Variants in FBXL7 observed in about 807,000 individuals in gnomAD.
FBXL7 encodes F-box and leucine rich repeat protein 7.
Under a neutral mutation model 38.3 loss-of-function variants are expected in FBXL7, and 12 were observed. The observed-to-expected ratio is 0.31, with a 90% CI of 0.20 to 0.51. The LOEUF (loss-of-function observed/expected upper bound fraction) is 0.51, where lower values mean the gene tolerates loss of function less well. Among genes scored for constraint, FBXL7 ranks in the 20% least tolerant of loss-of-function variants. The pLI, the probability that FBXL7 is intolerant of heterozygous loss-of-function variation, is 0.98. For synonymous variants in FBXL7, 297 were observed against 300.9 expected, an observed-to-expected ratio of 0.99 and a Z score of 0.13; for missense variants, 567 against 676.4, an observed-to-expected ratio of 0.84 and a Z score of 1.79.
intron 1 of FBXL7, among the ~76,000 whole-genome samples, chr5:15,597,614 T>C (rs540646616): frequency 2.0e-4 from 31 of 152,022 alleles, no homozygotes; most frequent in Non-Finnish European, 2.6e-4. Context: ...GAAGAAGGCC[T>C]AGAGCAGAGA....
intron 2 of FBXL7, among the ~76,000 whole-genome samples, chr5:15,892,528 A>G (rs1229064298): frequency 1.3e-5 from 2 of 152,186 alleles, no homozygotes; most frequent in African/African-American, 4.8e-5. Flanking sequence ...TGGTAGCAGC[A>G]GAGGTTATGA....
chr5:15,685,600 C>T (rs1466608466), intron 2 of FBXL7, among the ~76,000 whole-genome samples: 1 of 152,176 alleles, frequency 6.6e-6, no homozygotes, highest in Non-Finnish European at 1.5e-5. Context: ...TGATGGGAGG[C>T]TGCAGAGAAA....
intron 2 of FBXL7, among the ~76,000 whole-genome samples, chr5:15,906,785 C>T (rs1367232071): frequency 4.2e-4 from 22 of 52,536 alleles, no homozygotes; most frequent in African/African-American, 1.2e-3. Context: ...TTTGTTCTTG[C>T]GATAGTTTAC....
Position 15,580,687 on chromosome 5 carries a change from G to A in FBXL7, c.38-35296G>A, listed in dbSNP as rs1006790342. The A allele has an allele frequency of 1.8e-4, 178 of 985,426 alleles. No individual in the cohort carries two copies. In the African/African-American group the frequency reaches 3.0e-3, roughly 17 times the overall value. The allele number at this position is 985,426 out of a possible 1,614,324, so 61.0% of individuals were successfully genotyped here. A position where few individuals can be genotyped will look rare whatever the true frequency, so the allele number is the denominator to read the frequency against. On this transcript the variant is annotated intron_variant, in intron 1 of 3. Transcript: ENST00000504595. ...CATGAAAATTAACCTCTGGGTCCGG[G>A]AGTGCTGAAGGTGCCAGAACAGGAA...
intron 1 of FBXL7, among the ~76,000 whole-genome samples, chr5:15,536,503 A>C (rs1274772197): frequency 6.6e-6 from 1 of 152,152 alleles, no homozygotes; most frequent in Non-Finnish European, 1.5e-5. Flanking sequence ...TGAGACATGG[A>C]GTCAAAGGAG....
chr5:15,743,560 G>A (rs1210803112), intron 2 of FBXL7, among the ~76,000 whole-genome samples: 1 of 152,224 alleles, frequency 6.6e-6, no homozygotes, highest in African/African-American at 2.4e-5. Flanking sequence ...TTCACAGCTG[G>A]CATTGAGTGT....
chr5:15,799,874 G>A (rs1737515830), intron 2 of FBXL7, among the ~76,000 whole-genome samples: 2 of 152,018 alleles, frequency 1.3e-5, no homozygotes, highest in Non-Finnish European at 2.9e-5. Flanking sequence ...AGGTCACAGT[G>A]TTTCTTCCCA....
At chr5:15,851,540 T>C (rs994538776) in intron 2 of FBXL7, among the ~76,000 whole-genome samples, 1 of 152,204 alleles carries the variant, frequency 6.6e-6, no homozygotes, top group Non-Finnish European at 1.5e-5. Context: ...AAGGACATGT[T>C]TAGCCTCTTG....
At chr5:15,905,990 A>C (rs1277304604) in intron 2 of FBXL7, among the ~76,000 whole-genome samples, 2 of 152,046 alleles carry the variant, frequency 1.3e-5, no homozygotes, top group Non-Finnish European at 2.9e-5. Context: ...AGTATATAAA[A>C]TATCAACGTA....
chr5:15,590,365 C>T (rs1460532430), intron 1 of FBXL7, among the ~76,000 whole-genome samples: 1 of 152,052 alleles, frequency 6.6e-6, no homozygotes, highest in Non-Finnish European at 1.5e-5. Context: ...CCTCCAGTCC[C>T]TTCTCTAAGC....
chr5:15,828,738 A>C (rs939396469), intron 2 of FBXL7, among the ~76,000 whole-genome samples: 2 of 152,196 alleles, frequency 1.3e-5, no homozygotes, highest in Non-Finnish European at 2.9e-5. Flanking sequence ...TCTCTCCCTG[A>C]CTTGCCGTGT....
intron 2 of FBXL7, among the ~76,000 whole-genome samples, chr5:15,722,125 G>A (rs1222099244): frequency 1.3e-5 from 2 of 152,042 alleles, no homozygotes; most frequent in East Asian, 1.9e-4. Flanking sequence ...GAGCCATCAC[G>A]CCCGGCCAAG....
At chr5:15,765,848 A>G (rs984241467) in intron 2 of FBXL7, among the ~76,000 whole-genome samples, 6 of 151,964 alleles carry the variant, frequency 3.9e-5, no homozygotes, top group Admixed American at 1.3e-4. Flanking sequence ...CCCACCCCCA[A>G]TAGATCTTAT....
At position 15,937,018 on chromosome 5, in the gene FBXL7, G is replaced by C. The variant is rs1369928108; in HGVS notation, c.1308G>C (p.Lys436Asn). 1 of 1,614,030 alleles carries C rather than the reference G, an allele frequency of 6.2e-7. No individual in the cohort carries two copies. Among genetic ancestry groups the C allele is most frequent in the Admixed American group, 1.7e-5 (1 of 60,030 alleles). ...TCAACCTCAAGCGGCTCAGCCTCAA[G>C]TCCTGCGAGAGCATCACCGGCCAGG... is the stretch of plus-strand genomic sequence containing the variant. ...NCFNLKRLSLKSCESITGQGL... is the reference protein window; with the variant it reads ...NCFNLKRLSLNSCESITGQGL... The change falls in exon 4 of 4, where the codon AAG becomes AAC. Residue 436 changes from lysine to asparagine, a missense_variant. Transcript: ENST00000504595.
intron 2 of FBXL7, among the ~76,000 whole-genome samples, chr5:15,798,906 G>T (rs1737485878): frequency 6.6e-6 from 1 of 152,118 alleles, no homozygotes; most frequent in African/African-American, 2.4e-5. Flanking sequence ...TGCAAATGAG[G>T]ATTCTGACTT....
intron 1 of FBXL7, among the ~76,000 whole-genome samples, chr5:15,523,626 T>C (rs1179515699): frequency 6.6e-6 from 1 of 152,130 alleles, no homozygotes; most frequent in Non-Finnish European, 1.5e-5. Flanking sequence ...GGCTCCTCTT[T>C]GTAAGTCATC....
chr5:15,597,913 T>C (rs1739672042), intron 1 of FBXL7, among the ~76,000 whole-genome samples: 1 of 152,226 alleles, frequency 6.6e-6, no homozygotes, highest in Non-Finnish European at 1.5e-5. Flanking sequence ...GATTAGCTCC[T>C]AAGTTGTTAT....
intron 1 of FBXL7, among the ~76,000 whole-genome samples, chr5:15,584,540 A>G (rs1257363538): frequency 6.6e-6 from 1 of 152,178 alleles, no homozygotes; most frequent in African/African-American, 2.4e-5. Flanking sequence ...AGACCACCTC[A>G]GCCTGGACTT....
chr5:15,899,347 G>A (rs553093625), intron 2 of FBXL7, among the ~76,000 whole-genome samples: 90 of 152,302 alleles, frequency 5.9e-4, no homozygotes, highest in African/African-American at 2.1e-3. Flanking sequence ...ATTAACAGGC[G>A]TGAGCCACCG....
Sources: gnomAD v4.1 joint callset for allele counts (sites outside exome capture counted in the v4.1 genomes callset) on GRCh38, gnomAD v4.1.1 for gene constraint, MANE v1.5 for transcripts, NCBI Gene and HGNC (gene_info 2026-07-23, HGNC 2026-07-21) for gene names.